Variants in COPS3 observed in about 807,000 individuals in gnomAD.
COPS3 encodes COP9 signalosome subunit 3, also known as COP9 signalosome complex subunit 3.
In COPS3, 10 loss-of-function variants were observed where a neutral mutation model predicts 58.2. The observed-to-expected ratio is 0.17, with a 90% confidence interval of 0.11 to 0.29. COPS3 has a LOEUF of 0.29. Ranked by LOEUF, COPS3 falls within the 10% of genes least tolerant of loss-of-function variation. The pLI is 1.00. For missense variants in COPS3, 333 were observed against 510.1 expected (o/e 0.65, Z 3.34); for synonymous variants, 187 against 181.7 (o/e 1.03, Z -0.24).
At chr17:17,247,333 T>C in intron 11 of COPS3, 147 bp downstream of exon 11, 2 of 923,846 alleles carry the variant, frequency 2.2e-6, no homozygotes, top group Non-Finnish European at 3.5e-6. Flanking sequence ...CATTTGAAAA[T>C]GCTCTCAACT....
intron 8 of COPS3, among the ~76,000 whole-genome samples, chr17:17,257,412 A>G (rs2047999994): frequency 6.6e-6 from 1 of 151,926 alleles, no homozygotes; most frequent in Non-Finnish European, 1.5e-5. Flanking sequence ...GAGCAGGGTC[A>G]AGAATAGCAC....
In COPS3 at chr17:17,249,049, GAA is replaced by G. The variant is rs11336908; in HGVS notation, c.1024-12_1024-11del. 3.7e-3 allele frequency: 4,459 copies of G among 1,194,126 alleles called. 2 individuals are homozygous for G. Among genetic ancestry groups the G allele is most frequent in the South Asian group, 0.012 (831 of 69,182 alleles). The allele number at this position is 1,194,126 out of a possible 1,614,324, so 74.0% of individuals were successfully genotyped here. Reference sequence around the variant, plus strand: ...TCTCACCATCTTCTATCTGCAGAAAGAAAAAAAAAAAAATCAGGAAAGCAGTT... The same window carrying G: ...TCTCACCATCTTCTATCTGCAGAAAGAAAAAAAAAAATCAGGAAAGCAGTT... On this transcript the variant is annotated splice_polypyrimidine_tract_variant and intron_variant, in intron 9 of 11. Coordinates refer to ENST00000268717, the MANE Select transcript of COPS3 (RefSeq NM_003653.4).
intron 9 of COPS3, among the ~76,000 whole-genome samples, chr17:17,254,236 G>C (rs2047911882): frequency 1.4e-5 from 2 of 144,438 alleles, no homozygotes; most frequent in African/African-American, 2.6e-5. Context: ...TAAACCCAGG[G>C]AATTGAGGCT....
intron 9 of COPS3, among the ~76,000 whole-genome samples, chr17:17,249,546 G>A (rs529174661): frequency 6.6e-6 from 1 of 152,176 alleles, no homozygotes; most frequent in Non-Finnish European, 1.5e-5. Context: ...AGGCTGGAGT[G>A]TAATGGCACA....
chr17:17,279,266 C>T (rs1294274843), intron 1 of COPS3, among the ~76,000 whole-genome samples: 1 of 152,118 alleles, frequency 6.6e-6, no homozygotes, highest in South Asian at 2.1e-4. Context: ...GCAGACTGTT[C>T]CTATAGCATC....
chr17:17,281,050 C>T, intron 1 of COPS3, 82 bp downstream of exon 1: 2 of 1,477,438 alleles, frequency 1.4e-6, no homozygotes, highest in Non-Finnish European at 1.9e-6. Context: ...AAGGGCTGTT[C>T]CAGCCGTCCG....
chr17:17,247,359 C>G, intron 11 of COPS3, 121 bp downstream of exon 11: 1 of 1,017,002 alleles, frequency 9.8e-7, no homozygotes, highest in South Asian at 1.4e-5. Flanking sequence ...TTCTCCATGA[C>G]CGTACTGGTA....
rs113179216 is a variant in COPS3, at chr17:17,250,254, C to CTTTT, written c.1024-1219_1024-1216dup. ...TGCACTGAAATATAACTTACATCGC[C>CTTTT]TTTTTTTTTTTTTTTTTTGAGATGG... On this transcript the variant is annotated intron_variant, in intron 9 of 11. Transcript: ENST00000268717. Among the ~76,000 whole-genome samples, 3 of 127,640 alleles carry CTTTT rather than the reference C, an allele frequency of 2.4e-5. 1 individual carries two copies. Among genetic ancestry groups the CTTTT allele is most frequent in the Non-Finnish European group, 3.3e-5 (2 of 61,394 alleles). The allele number at this position is 127,640 out of a possible 152,430, so 83.7% of individuals were successfully genotyped here. A position where few individuals can be genotyped will look rare whatever the true frequency, so the allele number is the denominator to read the frequency against.
chr17:17,276,572 CTT>C lies in COPS3; in HGVS notation c.56-410_56-409del, dbSNP rs369484876. On this transcript the variant is annotated intron_variant, in intron 1 of 11. Coordinates refer to ENST00000268717, the MANE Select transcript of COPS3 (RefSeq NM_003653.4). ...TCATCATTTTTTGTCTGGACTACAT[CTT>C]TTTTTTTTTTTTAAGATGGAGTTTC... Among the ~76,000 whole-genome samples the C allele has an allele frequency of 1.3e-4, 19 of 143,794 alleles. 1 individual carries two copies. Among genetic ancestry groups the C allele is most frequent in the African/African-American group, 3.0e-4 (12 of 39,396 alleles). 94.3% of individuals were successfully genotyped at this position (143,794 alleles called of 152,430 possible).
chr17:17,269,064 C>T (rs2048290145), intron 4 of COPS3, among the ~76,000 whole-genome samples: 1 of 152,110 alleles, frequency 6.6e-6, no homozygotes, highest in African/African-American at 2.4e-5. Flanking sequence ...GTGGCTCACA[C>T]CTGTAATCTC....
At position 17,246,966 on chromosome 17, in the gene COPS3, G is replaced by T; in HGVS notation, c.*132C>A. ...TGGTTTTCTGAAAGCACACAGGACTGAAGATGTCAAAACAAAACTTAATTT... is the reference window on the plus strand; with the variant it reads ...TGGTTTTCTGAAAGCACACAGGACTTAAGATGTCAAAACAAAACTTAATTT... On this transcript the variant is annotated 3_prime_UTR_variant, in exon 12 of 12. Coordinates refer to ENST00000268717, the MANE Select transcript of COPS3 (RefSeq NM_003653.4). 1.3e-6 allele frequency: 1 copy of T among 796,176 alleles called. No homozygotes were observed. Among genetic ancestry groups the T allele is most frequent in the Non-Finnish European group, 2.2e-6 (1 of 449,570 alleles). 49.3% of individuals were successfully genotyped at this position (796,176 alleles called of 1,614,324 possible).
intron 8 of COPS3, among the ~76,000 whole-genome samples, chr17:17,258,299 CAA>C (rs954577796): frequency 6.6e-6 from 1 of 151,590 alleles, no homozygotes; most frequent in Non-Finnish European, 1.5e-5. Flanking sequence ...CCTGTTTGAT[CAA>C]AAAAAAATTT....
At chr17:17,265,528 A>G (rs1386162889) in intron 5 of COPS3, among the ~76,000 whole-genome samples, 3 of 151,754 alleles carry the variant, frequency 2.0e-5, no homozygotes, top group Non-Finnish European at 4.4e-5. Flanking sequence ...CCTCCCGAGT[A>G]GCTGGGATTA....
chr17:17,276,297 G>A, intron 1 of COPS3, 133 bp from the exon 2 acceptor site: 1 of 1,152,914 alleles, frequency 8.7e-7, no homozygotes, highest in South Asian at 1.5e-5. Flanking sequence ...CTTCGGATGA[G>A]GATCCAGAAG....
chr17:17,275,187 C>A (rs561988944), intron 2 of COPS3, among the ~76,000 whole-genome samples: 1 of 150,344 alleles, frequency 6.7e-6, no homozygotes, highest in Non-Finnish European at 1.5e-5. Context: ...GCCTTCCAGG[C>A]TCAAGCAATT....
intron 8 of COPS3, 89 bp from the exon 9 acceptor site, chr17:17,255,034 G>T: frequency 1.2e-6 from 1 of 834,886 alleles, no homozygotes. Context: ...AGGCGTGGTG[G>T]CTCATGTCTG....
intron 8 of COPS3, among the ~76,000 whole-genome samples, chr17:17,258,650 A>G (rs2048030521): frequency 1.3e-5 from 2 of 152,010 alleles, no homozygotes; most frequent in Non-Finnish European, 1.5e-5. Context: ...ATGGCAAAAG[A>G]CAGAAATTTA....
At chr17:17,280,533 C>T in intron 1 of COPS3, 1 of 1,250,996 alleles carries the variant, frequency 8.0e-7, no homozygotes, top group South Asian at 1.3e-5. Flanking sequence ...GCACTCCAGC[C>T]TCGGCTAAAA....
At chr17:17,250,462 G>A (rs923313086) in intron 9 of COPS3, among the ~76,000 whole-genome samples, 2 of 151,958 alleles carry the variant, frequency 1.3e-5, no homozygotes, top group African/African-American at 2.4e-5. Flanking sequence ...TGCCATGTTG[G>A]CCAGGCTGGG....
Sources: allele counts gnomAD v4.1 joint callset (sites outside exome capture counted in the v4.1 genomes callset), GRCh38; gene constraint gnomAD v4.1.1; transcripts MANE v1.5; gene names NCBI Gene and HGNC (gene_info 2026-07-23, HGNC 2026-07-21).